Variants in PCDHGB4 observed in about 807,000 individuals in gnomAD.
PCDHGB4 encodes the protein protocadherin gamma subfamily B, 4.
A neutral mutation model predicts 60.5 loss-of-function variants in PCDHGB4; 38 were observed. The observed-to-expected ratio is 0.63, with a 90% CI of 0.48 to 0.82. PCDHGB4 has a LOEUF of 0.82. Among genes scored for constraint, PCDHGB4 ranks in the 40% least tolerant of loss-of-function variants. The probability of loss-of-function intolerance (pLI) is 0.00; values close to 1 mark genes in which losing one functional copy is unlikely to be tolerated. For missense variants in PCDHGB4, 1,109 were observed against 1,209.6 expected (o/e 0.92, Z 1.23); for synonymous variants, 456 against 509.7 (o/e 0.89, Z 1.42).
At chr5:141,473,228 A>T (rs549587219) in intron 1 of PCDHGB4, among the ~76,000 whole-genome samples, 1 of 152,296 alleles carries the variant, frequency 6.6e-6, no homozygotes, top group African/African-American at 2.4e-5. Context: ...GGGAGATTGG[A>T]TCCACACAAG....
chr5:141,483,916 A>C (rs1377841777), intron 1 of PCDHGB4, among the ~76,000 whole-genome samples: 1 of 144,996 alleles, frequency 6.9e-6, no homozygotes, highest in African/African-American at 2.5e-5. Flanking sequence ...TCCCACTCAG[A>C]TTGCAGGTCG....
chr5:141,485,511 C>G lies in PCDHGB4; in HGVS notation c.2398-9296C>G, dbSNP rs1168331122. The G allele has an allele frequency of 1.2e-6, 2 of 1,614,042 alleles. No individual in the cohort carries two copies. Among genetic ancestry groups the G allele is most frequent in the Non-Finnish European group, 1.7e-6 (2 of 1,180,038 alleles). On this transcript the variant is annotated intron_variant, in intron 1 of 3. Transcript: ENST00000519479. The surrounding 1 kb of genome is among the most constrained non-coding windows in gnomAD (Gnocchi z 5.7). Reference sequence around the variant, plus strand: ...CCCCTGGAGTTTGTCACCGAAGGTCCTTTGGAAATGTACCGAGCAGAGGTA... The same window carrying G: ...CCCCTGGAGTTTGTCACCGAAGGTCGTTTGGAAATGTACCGAGCAGAGGTA...
intron 1 of PCDHGB4, among the ~76,000 whole-genome samples, chr5:141,462,868 T>C (rs1232965498): frequency 6.6e-6 from 1 of 152,228 alleles, no homozygotes; most frequent in East Asian, 1.9e-4. Context: ...TTTGTCTTTC[T>C]TTAAGAACTA....
At position 141,493,396 on chromosome 5, in the gene PCDHGB4, G is replaced by A. The variant is rs562217310; in HGVS notation, c.2398-1411G>A. 1.3e-5 allele frequency among the ~76,000 whole-genome samples: 2 copies of A among 152,274 alleles called. No homozygotes were observed. Among genetic ancestry groups the A allele is most frequent in the East Asian group, 3.9e-4 (2 of 5,178 alleles). The stretch of plus-strand genomic sequence containing the variant: ...TTTAAAAGCTTGAGGACAGGAGAGG[G>A]GAGTTGCCTCTGCTGGGATTTTGCT... On this transcript the variant is annotated intron_variant, in intron 1 of 3. Transcript: ENST00000519479. This position sits in a 1 kb window ranked among gnomAD's most constrained non-coding sequence, Gnocchi z 4.3.
At chr5:141,428,613 CAAGAT>C (rs1385471747) in intron 1 of PCDHGB4, 1 of 212,608 alleles carries the variant, frequency 4.7e-6, no homozygotes, top group African/African-American at 2.3e-5. Flanking sequence ...AAGAGAATAA[CAAGAT>C]AAGCTCTAAC....
chr5:141,443,288 C>T (rs2098378643), intron 1 of PCDHGB4, among the ~76,000 whole-genome samples: 1 of 150,180 alleles, frequency 6.7e-6, no homozygotes, highest in Non-Finnish European at 1.5e-5. Context: ...TGAGACCAGC[C>T]TGGACAGCAT....
In PCDHGB4 at chr5:141,486,574, C is replaced by T. The variant is rs1435813800; in HGVS notation, c.2398-8233C>T. On this transcript the variant is annotated intron_variant, in intron 1 of 3. Transcript: ENST00000519479. This position sits in a 1 kb window ranked among gnomAD's most constrained non-coding sequence, Gnocchi z 5.0. ...CACATGAGGTGTTTGTTCCTGAGAACAATCGCCCAGGGGACCTGCTTTGCT... is the reference window on the plus strand; with the variant it reads ...CACATGAGGTGTTTGTTCCTGAGAATAATCGCCCAGGGGACCTGCTTTGCT... The T allele has an allele frequency of 1.9e-6, 3 of 1,613,868 alleles. No homozygotes were observed. Among genetic ancestry groups the T allele is most frequent in the Non-Finnish European group, 2.5e-6 (3 of 1,180,002 alleles).
At chr5:141,453,321 T>TG (rs2098762672) in intron 1 of PCDHGB4, among the ~76,000 whole-genome samples, 2 of 151,876 alleles carry the variant, frequency 1.3e-5, no homozygotes, top group Admixed American at 6.6e-5. Context: ...ATTTTAGAGA[T>TG]GGGGTCTCAC....
chr5:141,460,649 A>G (rs1171722531), intron 1 of PCDHGB4, among the ~76,000 whole-genome samples: 2 of 152,152 alleles, frequency 1.3e-5, no homozygotes, highest in Non-Finnish European at 2.9e-5. Flanking sequence ...GTGTTTACAC[A>G]TATGTAACTG....
At chr5:141,405,410 T>C (rs1483035668) in intron 1 of PCDHGB4, 2 of 1,557,296 alleles carry the variant, frequency 1.3e-6, no homozygotes, top group Non-Finnish European at 1.8e-6. Context: ...TTCTTTTCTT[T>C]TTTTGTTTTT....
At chr5:141,480,511 A>G (rs2099520888) in intron 1 of PCDHGB4, among the ~76,000 whole-genome samples, 1 of 127,378 alleles carries the variant, frequency 7.9e-6, no homozygotes, top group African/African-American at 3.6e-5. Context: ...ATATGAGAAC[A>G]ACCAAAAATG....
intron 1 of PCDHGB4, chr5:141,424,602 T>G (rs2154550827): frequency 6.6e-6 from 1 of 152,334 alleles, no homozygotes; most frequent in African/African-American, 2.4e-5. Flanking sequence ...GTCTACAGAT[T>G]TATTCAAATA....
In PCDHGB4 at chr5:141,511,599, C is replaced by G; in HGVS notation, c.*426C>G. 4.0e-6 allele frequency: 1 copy of G among 252,540 alleles called. No homozygotes were observed. Among genetic ancestry groups the G allele is most frequent in the South Asian group, 5.2e-5 (1 of 19,398 alleles). 15.6% of individuals were successfully genotyped at this position (252,540 alleles called of 1,614,324 possible). ...GTTGGGGTGTTGAAGTACCAAGTAA[C>G]CTACAAGCCTCCTAGTTCTGAAAAG... On this transcript the variant is annotated 3_prime_UTR_variant, in exon 4 of 4. Coordinates refer to ENST00000519479, the MANE Select transcript of PCDHGB4 (RefSeq NM_003736.4).
chr5:141,394,701 C>G lies in PCDHGB4; in HGVS notation c.2397+4420C>G, dbSNP rs375281416. 1.9e-6 allele frequency: 3 copies of G among 1,613,162 alleles called. No homozygotes were observed. Among genetic ancestry groups the G allele is most frequent in the Non-Finnish European group, 2.5e-6 (3 of 1,179,880 alleles). ...GCACACGGGCGAGGTGCGCACGGCG[C>G]GAGCCCTGCTGGACAGAGATGCGCT... is the stretch of plus-strand genomic sequence containing the variant. On this transcript the variant is annotated intron_variant, in intron 1 of 3. Transcript: ENST00000519479.
At position 141,477,886 on chromosome 5, in the gene PCDHGB4, G is replaced by A. The variant is rs2099422999; in HGVS notation, c.2398-16921G>A. 2 of 1,614,188 alleles carry A rather than the reference G, an allele frequency of 1.2e-6. No homozygotes were observed. The highest frequency in any genetic ancestry group is 1.7e-6 in the Non-Finnish European group (2 of 1,180,040). ...GAGGTACCTCAGCTGGCCACCTAGT[G>A]TCACGGGTGGTAGGCTGGGACGCGG... On this transcript the variant is annotated intron_variant, in intron 1 of 3. Transcript: ENST00000519479. The surrounding 1 kb of genome is among the most constrained non-coding windows in gnomAD (Gnocchi z 4.9).
rs1254438724 is a variant in PCDHGB4 at position 141,389,817 on chromosome 5, C to T, written c.1933C>T (p.Arg645Cys). 17 of 1,613,870 alleles carry T rather than the reference C, an allele frequency of 1.1e-5. No homozygotes were observed. Among genetic ancestry groups the T allele is most frequent in the Non-Finnish European group, 1.4e-5 (16 of 1,179,892 alleles). Residue 645 changes from arginine to cysteine, a missense_variant, in exon 1 of 4, where the codon CGT becomes TGT. This residue lies in a region of PCDHGB4 where 1,068 missense variants were observed against 1,089.9 expected (regional missense o/e 0.98). Transcript: ENST00000519479. ...CCGCCAGCGCCTTCTGGTCGCCGTG[C>T]GTGACGGTGGACAGCCACCACTCTC... Reference protein sequence around the residue: ...AVRQRLLVAVRDGGQPPLSAT... With the variant: ...AVRQRLLVAVCDGGQPPLSAT...
At position 141,485,698 on chromosome 5, in the gene PCDHGB4, T is replaced by C. The variant is rs1175015922; in HGVS notation, c.2398-9109T>C. ...TTAGCAGCTATAGGCTGAGCTCCAA[T>C]GAACACTTTGCACTGGATGTGAAGA... On this transcript the variant is annotated intron_variant, in intron 1 of 3. Transcript: ENST00000519479. This position sits in a 1 kb window ranked among gnomAD's most constrained non-coding sequence, Gnocchi z 5.7. 6.2e-7 allele frequency: 1 copy of C among 1,613,994 alleles called. No homozygotes were observed. The highest frequency in any genetic ancestry group is 8.5e-7 in the Non-Finnish European group (1 of 1,180,002).
Position 141,405,419 on chromosome 5 carries a change from TTTG to T in PCDHGB4, c.2397+15141_2397+15143del, listed in dbSNP as rs372094745. On this transcript the variant is annotated intron_variant, in intron 1 of 3. Transcript: ENST00000519479. ...CTTTCTTTCTTTTCTTTTTTTGTTT[TTTG>T]TTTTGTTTTGTTTTTGAGACAGAGT... The T allele has an allele frequency of 6.8e-4, 1,019 of 1,509,010 alleles. 10 individuals are homozygous for T. In the African/African-American group the frequency reaches 0.012, roughly 18 times the overall value. The allele number at this position is 1,509,010 out of a possible 1,614,324, so 93.5% of individuals were successfully genotyped here.
At position 141,485,929 on chromosome 5, in the gene PCDHGB4, G is replaced by A; in HGVS notation, c.2398-8878G>A. 1 of 1,614,150 alleles carries A rather than the reference G, an allele frequency of 6.2e-7. No homozygotes were observed. The highest frequency in any genetic ancestry group is 8.5e-7 in the Non-Finnish European group (1 of 1,180,036). ...AATCCAGCTACAGGATTAGTGTGTT[G>A]GAGAGCGCACCAGCGGGCATGGTGC... On this transcript the variant is annotated intron_variant, in intron 1 of 3. Coordinates refer to ENST00000519479, the MANE Select transcript of PCDHGB4 (RefSeq NM_003736.4). This position sits in a 1 kb window ranked among gnomAD's most constrained non-coding sequence, Gnocchi z 5.7.
Sources: gnomAD v4.1 joint callset for allele counts (sites outside exome capture counted in the v4.1 genomes callset) on GRCh38, gnomAD v4.1.1 for gene constraint, gnomAD v4.1.1 regional missense constraint, Gnocchi (gnomAD v3.1) non-coding constraint, MANE v1.5 for transcripts, NCBI Gene and HGNC (gene_info 2026-07-23, HGNC 2026-07-21) for gene names.